CD163L1: variants seen among roughly 807,000 people sequenced by gnomAD.
CD163L1 encodes the protein CD163 molecule like 1, also known as scavenger receptor cysteine-rich type 1 protein M160.
In CD163L1, 124 loss-of-function variants were observed where a neutral mutation model predicts 165.4. The ratio of observed to expected loss-of-function variants is 0.75; its 90% CI spans 0.65 to 0.87. The LOEUF is 0.87. CD163L1 is among the 40% of genes least tolerant of loss of function. CD163L1 has a pLI of 0.00. For missense variants in CD163L1, 1,525 were observed against 1,799.9 expected (o/e 0.85, Z 2.76); for synonymous variants, 585 against 662.2 (o/e 0.88, Z 1.79).
intron 8 of CD163L1, among the ~76,000 whole-genome samples, chr12:7,389,887 A>G (rs1444693136): frequency 6.7e-6 from 1 of 149,914 alleles, no homozygotes; most frequent in Non-Finnish European, 1.5e-5. Flanking sequence ...TATTCACAAT[A>G]GCCATGATAT....
the CD163L1 span, among the ~76,000 whole-genome samples, chr12:7,327,690 T>C: frequency 1.3e-5 from 2 of 152,184 alleles, no homozygotes; most frequent in Admixed American, 1.3e-4. Flanking sequence ...AGTCAAAAAG[T>C]AGTTAAACCT....
intron 8 of CD163L1, among the ~76,000 whole-genome samples, chr12:7,380,367 A>ATACATACATGTATGTGTGTATACGCGTG (rs1947367486): frequency 6.8e-6 from 1 of 146,836 alleles, no homozygotes; most frequent in Non-Finnish European, 1.5e-5. Context: ...GTATACGCGT[A>ATACATACATGTATGTGTGTATACGCGTG]TACATACATG....
At chr12:7,331,117 A>G in the CD163L1 span, among the ~76,000 whole-genome samples, 1 of 152,226 alleles carries the variant, frequency 6.6e-6, no homozygotes, top group African/African-American at 2.4e-5. Context: ...GGGCTTAACA[A>G]ATGGCACACC....
At chr12:7,324,400 G>A in the CD163L1 span, 1 of 1,614,052 alleles carries the variant, frequency 6.2e-7, no homozygotes, top group Non-Finnish European at 8.5e-7. Flanking sequence ...ATATCCTCTG[G>A]GTTTGTATAT....
At chr12:7,433,788 A>T in intron 2 of CD163L1, 94 bp from the exon 3 acceptor site, 1 of 941,486 alleles carries the variant, frequency 1.1e-6, no homozygotes, top group Non-Finnish European at 1.6e-6. Context: ...CATTTAGTTT[A>T]AATGTTGTTA....
At position 7,375,528 on chromosome 12, in the gene CD163L1, A is replaced by G; in HGVS notation, c.2754T>C (p.Leu918=). 1 of 1,614,012 alleles carries G rather than the reference A, an allele frequency of 6.2e-7. No individual in the cohort carries two copies. The highest frequency in any genetic ancestry group is 1.1e-5 in the South Asian group (1 of 91,074). The change falls in exon 11 of 20, where the codon CTT becomes CTC. Residue 918 remains leucine, a synonymous_variant. Transcript: ENST00000313599. ...TGTCACACAGTGAGCCCCAGTGTCC[A>G]AGCACGTTGATCTCCACTTGCCCGT... The part of the protein sequence containing the change: ...QCDGQVEINV[L]GHWGSLCDTH...
At chr12:7,401,327 T>C (rs1285966397) in intron 6 of CD163L1, among the ~76,000 whole-genome samples, 1 of 152,138 alleles carries the variant, frequency 6.6e-6, no homozygotes, top group East Asian at 1.9e-4. Flanking sequence ...GATTCAGTTA[T>C]TCTAAAATAT....
intron 8 of CD163L1, among the ~76,000 whole-genome samples, chr12:7,382,045 T>G (rs779864892): frequency 2.7e-5 from 4 of 148,006 alleles, no homozygotes; most frequent in African/African-American, 7.3e-5. Flanking sequence ...TATATATAAT[T>G]GTTTTATATA....
chr12:7,350,172 T>C (rs7485379), downstream of CD163L1, among the ~76,000 whole-genome samples: 20,768 of 152,228 alleles, frequency 0.14, 1,544 homozygotes, highest in African/African-American at 0.18. Flanking sequence ...CTAAAACATG[T>C]ACCTTTGTTG....
intron 8 of CD163L1, among the ~76,000 whole-genome samples, chr12:7,393,767 A>G (rs1299805127): frequency 6.6e-6 from 1 of 152,200 alleles, no homozygotes; most frequent in African/African-American, 2.4e-5. Flanking sequence ...AAGCATTCCT[A>G]TACACAAATA....
chr12:7,327,054 C>T, the CD163L1 span: 1 of 1,611,294 alleles, frequency 6.2e-7, no homozygotes, highest in African/African-American at 1.3e-5. Flanking sequence ...ACTTCAGGAT[C>T]ATGTGAAAAA....
At chr12:7,338,317 T>A in the CD163L1 span, among the ~76,000 whole-genome samples, 3 of 152,062 alleles carry the variant, frequency 2.0e-5, no homozygotes, top group Non-Finnish European at 4.4e-5. Flanking sequence ...GTATAATTTT[T>A]AAAAATAAAT....
chr12:7,339,629 C>A, the CD163L1 span, among the ~76,000 whole-genome samples: 30 of 152,144 alleles, frequency 2.0e-4, no homozygotes, highest in East Asian at 5.0e-3. Context: ...GTGTGCATGA[C>A]CTCTCTTCCT....
downstream of CD163L1, among the ~76,000 whole-genome samples, chr12:7,354,356 T>A (rs1376565044): frequency 1.3e-5 from 2 of 152,084 alleles, no homozygotes; most frequent in African/African-American, 4.8e-5. Flanking sequence ...GAAGCCAAGT[T>A]AGAAGCAAGG....
intron 4 of CD163L1, among the ~76,000 whole-genome samples, chr12:7,419,005 T>C (rs977033709): frequency 3.3e-5 from 5 of 151,898 alleles, no homozygotes; most frequent in African/African-American, 1.2e-4. Flanking sequence ...TCAGAGAGAA[T>C]CCTCCGTAAA....
At position 7,369,775 on chromosome 12, in the gene CD163L1, T is replaced by C; in HGVS notation, c.3731-110A>G. ...ATGTGCTTGATGAATATGGGTGTGG[T>C]AAGGAAGGCAGAATTTCAATGTTAC... On this transcript the variant is annotated intron_variant, in intron 14 of 19. Coordinates refer to ENST00000313599, the MANE Select transcript of CD163L1 (RefSeq NM_174941.6). This position sits in a 1 kb window ranked among gnomAD's most constrained non-coding sequence, Gnocchi z 4.9. 1 of 908,304 alleles carries C rather than the reference T, an allele frequency of 1.1e-6. No homozygotes were observed. Among genetic ancestry groups the C allele is most frequent in the East Asian group, 2.4e-5 (1 of 41,178 alleles). 56.3% of individuals were successfully genotyped at this position (908,304 alleles called of 1,614,324 possible).
chr12:7,335,348 A>C, the CD163L1 span, among the ~76,000 whole-genome samples: 1 of 152,196 alleles, frequency 6.6e-6, no homozygotes, highest in Non-Finnish European at 1.5e-5. Flanking sequence ...CATATCTACA[A>C]CTATCTGATC....
At chr12:7,322,591 C>T in the CD163L1 span, 1 of 1,551,152 alleles carries the variant, frequency 6.4e-7, no homozygotes, top group Non-Finnish European at 8.7e-7. Context: ...CCTTTCTGCC[C>T]CAGGTTTTTC....
In CD163L1 at chr12:7,374,297, T is replaced by C. The variant is rs1203550424; in HGVS notation, c.3409+145A>G. ...TATGACAAGGGTATTAAGAAATCAG[T>C]ATAAGAGAATAGGATTAAAACCAAG... On this transcript the variant is annotated intron_variant, in intron 13 of 19. Transcript: ENST00000313599. This position sits in a 1 kb window ranked among gnomAD's most constrained non-coding sequence, Gnocchi z 5.4. 1.4e-6 allele frequency: 1 copy of C among 734,268 alleles called. No homozygotes were observed. The highest frequency in any genetic ancestry group is 2.2e-6 in the Non-Finnish European group (1 of 454,328). 45.5% of individuals were successfully genotyped at this position (734,268 alleles called of 1,614,324 possible). A position where few individuals can be genotyped will look rare whatever the true frequency, so the allele number is the denominator to read the frequency against.
Sources: gnomAD v4.1 joint callset for allele counts (sites outside exome capture counted in the v4.1 genomes callset) on GRCh38, gnomAD v4.1.1 for gene constraint, Gnocchi (gnomAD v3.1) non-coding constraint, MANE v1.5 for transcripts, NCBI Gene and HGNC (gene_info 2026-07-23, HGNC 2026-07-21) for gene names.